BMPR1B: variants seen among roughly 807,000 people sequenced by gnomAD.
BMPR1B encodes the protein bone morphogenetic protein receptor type-1B.
In BMPR1B, 12 loss-of-function variants were observed where a neutral mutation model predicts 59.1. That is an observed-to-expected ratio of 0.20 (90% CI 0.13 to 0.33). The LOEUF is 0.33. BMPR1B is among the 10% of genes least tolerant of loss of function. The pLI is 1.00. For missense variants in BMPR1B, 550 were observed against 610.9 expected (o/e 0.90, Z 1.05); for synonymous variants, 237 against 207.3 (o/e 1.14, Z -1.23).
At chr4:95,149,163 G>T (rs773397543) in intron 11 of BMPR1B, among the ~76,000 whole-genome samples, 1 of 152,100 alleles carries the variant, frequency 6.6e-6, no homozygotes, top group South Asian at 2.1e-4. Flanking sequence ...GCTTTTTCAA[G>T]CATCACTGTT....
intron 3 of BMPR1B, among the ~76,000 whole-genome samples, chr4:95,036,686 T>A (rs1725266400): frequency 6.8e-6 from 1 of 148,036 alleles, no homozygotes; most frequent in East Asian, 2.0e-4. Context: ...TGCAGATATC[T>A]CTTCAATATA....
At chr4:95,001,362 G>C (rs751013354) in intron 3 of BMPR1B, among the ~76,000 whole-genome samples, 1 of 152,036 alleles carries the variant, frequency 6.6e-6, no homozygotes, top group African/African-American at 2.4e-5. Context: ...GAATTAAGAT[G>C]GTATTTCTTA....
intron 1 of BMPR1B, among the ~76,000 whole-genome samples, chr4:94,759,212 A>G (rs1299161753): frequency 6.6e-6 from 1 of 152,248 alleles, no homozygotes; most frequent in African/African-American, 2.4e-5. Flanking sequence ...CCTTTCCAGC[A>G]AGGTGAGGTC....
Position 95,123,841 on chromosome 4 carries a change from T to A in BMPR1B, c.381T>A (p.Ala127=). 6.2e-7 allele frequency: 1 copy of A among 1,612,020 alleles called. No individual in the cohort carries two copies. Among genetic ancestry groups the A allele is most frequent in the East Asian group, 2.2e-5 (1 of 44,746 alleles). ...DFVDGPIHHR[A]LLISVTVCSL... is the part of the protein sequence containing the mutation. Reference sequence around the variant, plus strand: ...TTGATGGACCTATACACCACAGGGCTTTACTTATATCTGTGACTGTCTGTA... The same window carrying A: ...TTGATGGACCTATACACCACAGGGCATTACTTATATCTGTGACTGTCTGTA... Residue 127 remains alanine, a synonymous_variant, in exon 7 of 13, where the codon GCT becomes GCA. Transcript: ENST00000515059.
chr4:94,931,357 G>T (rs1036016749), intron 2 of BMPR1B, among the ~76,000 whole-genome samples: 2 of 151,984 alleles, frequency 1.3e-5, no homozygotes, highest in Non-Finnish European at 2.9e-5. Flanking sequence ...TACACGTCGT[G>T]GACTTTTATG....
chr4:95,098,137 T>C (rs1730563438), intron 3 of BMPR1B, among the ~76,000 whole-genome samples: 1 of 152,192 alleles, frequency 6.6e-6, no homozygotes. Context: ...AGATATCTGA[T>C]ATTTGGGATA....
chr4:94,815,412 C>A (rs1340529954), intron 1 of BMPR1B, among the ~76,000 whole-genome samples: 1 of 152,110 alleles, frequency 6.6e-6, no homozygotes, highest in Non-Finnish European at 1.5e-5. Flanking sequence ...AAATAACTCT[C>A]CTTTAATTTT....
chr4:94,828,277 TTGAG>T (rs1424311239), intron 1 of BMPR1B, among the ~76,000 whole-genome samples: 14 of 152,336 alleles, frequency 9.2e-5, no homozygotes, highest in African/African-American at 2.6e-4. Flanking sequence ...AGATACATGA[TTGAG>T]TGAACAGTGC....
chr4:94,954,402 A>G (rs1313772016), intron 2 of BMPR1B, among the ~76,000 whole-genome samples: 3 of 152,200 alleles, frequency 2.0e-5, no homozygotes, highest in Non-Finnish European at 4.4e-5. Context: ...CTTTGGCTAG[A>G]TTATTAAACT....
intron 1 of BMPR1B, among the ~76,000 whole-genome samples, chr4:94,842,048 C>T (rs1020130212): frequency 2.0e-5 from 3 of 152,082 alleles, no homozygotes; most frequent in Non-Finnish European, 2.9e-5. Flanking sequence ...TCAGGAGTTC[C>T]GTTACAGTAC....
At chr4:95,049,419 G>GTTTTTTT (rs761496965) in intron 3 of BMPR1B, among the ~76,000 whole-genome samples, 2 of 77,402 alleles carry the variant, frequency 2.6e-5, no homozygotes, top group African/African-American at 5.2e-5. Context: ...CAGCATAAAA[G>GTTTTTTT]TTTTTTTTTT....
At chr4:95,069,122 G>A (rs973522161) in intron 3 of BMPR1B, among the ~76,000 whole-genome samples, 28 of 152,088 alleles carry the variant, frequency 1.8e-4, no homozygotes, top group Non-Finnish European at 3.8e-4. Context: ...AGAATCTATC[G>A]ACACCATTAA....
intron 1 of BMPR1B, among the ~76,000 whole-genome samples, chr4:94,862,944 CAAAA>C (rs768809079): frequency 2.1e-5 from 1 of 47,232 alleles, no homozygotes. Context: ...GACTCCGTCT[CAAAA>C]AAAAAAAAAA....
intron 2 of BMPR1B, among the ~76,000 whole-genome samples, chr4:94,909,418 G>A (rs1728189257): frequency 6.6e-6 from 1 of 151,880 alleles, no homozygotes; most frequent in Non-Finnish European, 1.5e-5. Flanking sequence ...TTGTGGGTAT[G>A]TGGCCGTGGG....
intron 1 of BMPR1B, among the ~76,000 whole-genome samples, chr4:94,836,090 C>T (rs1724804560): frequency 1.3e-5 from 2 of 148,450 alleles, no homozygotes; most frequent in Non-Finnish European, 3.0e-5. Context: ...GACATGAACT[C>T]ATCATTTTTT....
At chr4:94,800,580 G>A (rs918753989) in intron 1 of BMPR1B, among the ~76,000 whole-genome samples, 5 of 151,442 alleles carry the variant, frequency 3.3e-5, no homozygotes, top group African/African-American at 1.2e-4. Flanking sequence ...TGGCATGCCT[G>A]CCTTGTCTGG....
intron 1 of BMPR1B, among the ~76,000 whole-genome samples, chr4:94,850,768 A>C (rs1337459033): frequency 1.3e-5 from 2 of 152,118 alleles, no homozygotes; most frequent in Non-Finnish European, 1.5e-5. Flanking sequence ...CCTCCTCACC[A>C]GCCCCATTTT....
At chr4:94,770,491 T>C (rs1252291964) in intron 1 of BMPR1B, among the ~76,000 whole-genome samples, 2 of 152,078 alleles carry the variant, frequency 1.3e-5, no homozygotes, top group African/African-American at 2.4e-5. Context: ...TTGAATCTTA[T>C]TTGATGTTTT....
intron 2 of BMPR1B, among the ~76,000 whole-genome samples, chr4:94,954,048 C>T (rs942269866): frequency 3.9e-5 from 6 of 152,058 alleles, no homozygotes; most frequent in South Asian, 2.1e-4. Context: ...TCCACTTGAT[C>T]GATTTGGCTA....
Sources: allele counts gnomAD v4.1 joint callset (sites outside exome capture counted in the v4.1 genomes callset), GRCh38; gene constraint gnomAD v4.1.1; transcripts MANE v1.5; gene names NCBI Gene and HGNC (gene_info 2026-07-23, HGNC 2026-07-21).